Variants in CHRM3 observed in about 807,000 individuals in gnomAD.
CHRM3 encodes the protein muscarinic acetylcholine receptor M3.
In CHRM3, 11 loss-of-function variants were observed where a neutral mutation model predicts 41.8. That is an observed-to-expected ratio of 0.26 (90% confidence interval 0.17 to 0.44). The LOEUF (loss-of-function observed/expected upper bound fraction) is 0.44, where lower values mean the gene tolerates loss of function less well. CHRM3 is among the 20% of genes least tolerant of loss of function. The pLI is 1.00. For missense variants in CHRM3, 571 were observed against 745.4 expected, an observed-to-expected ratio of 0.77 and a Z score of 2.72; for synonymous variants, 297 against 301.4, an observed-to-expected ratio of 0.99 and a Z score of 0.15.
chr1:239,800,140 G>A lies in CHRM3; in HGVS notation c.-146-27112G>A, dbSNP rs188074546. 5.1e-4 allele frequency among the ~76,000 whole-genome samples: 77 copies of A among 152,200 alleles called. 1 individual carries two copies. Among genetic ancestry groups the A allele is most frequent in the African/African-American group, 1.7e-3 (70 of 41,530 alleles). On this transcript the variant is annotated intron_variant, in intron 5 of 6. Coordinates refer to ENST00000676153, the MANE Select transcript of CHRM3 (RefSeq NM_001375978.1). ...GGAAATAGGCAGGTGTGTGGGGAAG[G>A]GGTTATAAGAAAGGAGAATTATCTT...
At chr1:239,649,733 G>A (rs947172847) in intron 4 of CHRM3, among the ~76,000 whole-genome samples, 7 of 152,126 alleles carry the variant, frequency 4.6e-5, no homozygotes, top group African/African-American at 7.2e-5. Flanking sequence ...TCTTGAGTGC[G>A]AGAGAAGGAT....
chr1:239,604,587 T>C (rs1572885780), intron 3 of CHRM3, among the ~76,000 whole-genome samples: 1 of 152,346 alleles, frequency 6.6e-6, no homozygotes, highest in Admixed American at 6.5e-5. Flanking sequence ...ACTCAGTGTG[T>C]TGGGTGGCAA....
chr1:239,853,411 A>G (rs1001191673), intron 6 of CHRM3, among the ~76,000 whole-genome samples: 4 of 151,910 alleles, frequency 2.6e-5, no homozygotes, highest in African/African-American at 9.7e-5. Context: ...CTTTTTTTCA[A>G]TGCCAACAGT....
chr1:239,772,432 T>C (rs977125759), intron 5 of CHRM3, among the ~76,000 whole-genome samples: 2 of 152,236 alleles, frequency 1.3e-5, no homozygotes, highest in Admixed American at 1.3e-4. Flanking sequence ...ATTACAGGCA[T>C]GAGCCACCAT....
At chr1:239,869,561 G>C (rs944930970) in intron 6 of CHRM3, among the ~76,000 whole-genome samples, 2 of 152,032 alleles carry the variant, frequency 1.3e-5, no homozygotes, top group African/African-American at 4.8e-5. Flanking sequence ...AGTCCCCTGT[G>C]GCGTGGCCCA....
chr1:239,817,486 T>A (rs1216144550), intron 5 of CHRM3, among the ~76,000 whole-genome samples: 1 of 151,998 alleles, frequency 6.6e-6, no homozygotes, highest in African/African-American at 2.4e-5. Flanking sequence ...ACCACTGAGA[T>A]CACCATGGGC....
At chr1:239,603,290 A>G (rs560418109) in intron 3 of CHRM3, among the ~76,000 whole-genome samples, 1 of 152,300 alleles carries the variant, frequency 6.6e-6, no homozygotes, top group East Asian at 1.9e-4. Context: ...AGGTGAGAAC[A>G]TAGACAAGTT....
chr1:239,440,447 AC>A (rs1382654581), intron 1 of CHRM3, among the ~76,000 whole-genome samples: 1 of 152,104 alleles, frequency 6.6e-6, no homozygotes, highest in Non-Finnish European at 1.5e-5. Flanking sequence ...ACTTAGTAAG[AC>A]CCTGCTGCTA....
intron 5 of CHRM3, among the ~76,000 whole-genome samples, chr1:239,789,425 C>T (rs1042829903): frequency 6.6e-6 from 1 of 152,130 alleles, no homozygotes; most frequent in East Asian, 1.9e-4. Flanking sequence ...GCTATAAAGG[C>T]GTGCCTGAGA....
intron 6 of CHRM3, among the ~76,000 whole-genome samples, chr1:239,889,375 T>TC (rs1678351183): frequency 6.6e-6 from 1 of 152,166 alleles, no homozygotes; most frequent in South Asian, 2.1e-4. Flanking sequence ...TGCCATGTTG[T>TC]CCATCCCTCT....
chr1:239,544,435 G>A (rs998195064), intron 2 of CHRM3, among the ~76,000 whole-genome samples: 2 of 151,988 alleles, frequency 1.3e-5, no homozygotes, highest in Middle Eastern at 3.2e-3. Flanking sequence ...AATAGAATTC[G>A]ATCTCTAAAT....
At chr1:239,575,190 C>A (rs1288334317) in intron 3 of CHRM3, among the ~76,000 whole-genome samples, 1 of 152,108 alleles carries the variant, frequency 6.6e-6, no homozygotes, top group Admixed American at 6.6e-5. Flanking sequence ...AGGTAAGTTT[C>A]TCTTTTTGTA....
At chr1:239,787,563 C>T (rs1340795053) in intron 5 of CHRM3, among the ~76,000 whole-genome samples, 3 of 152,172 alleles carry the variant, frequency 2.0e-5, no homozygotes, top group African/African-American at 7.2e-5. Flanking sequence ...TCATGAGACT[C>T]GGCAATTCAA....
At chr1:239,481,124 T>A (rs1442211401) in intron 1 of CHRM3, among the ~76,000 whole-genome samples, 1 of 152,220 alleles carries the variant, frequency 6.6e-6, no homozygotes, top group Non-Finnish European at 1.5e-5. Context: ...GTAAGTGTGA[T>A]GACCTGGAAC....
chr1:239,449,462 T>C (rs1664402141), intron 1 of CHRM3, among the ~76,000 whole-genome samples: 1 of 152,144 alleles, frequency 6.6e-6, no homozygotes, highest in Admixed American at 6.6e-5. Flanking sequence ...AAGGTCATTG[T>C]ATGAGCTTGT....
At chr1:239,619,832 T>C (rs778636377) in intron 3 of CHRM3, among the ~76,000 whole-genome samples, 1 of 151,966 alleles carries the variant, frequency 6.6e-6, no homozygotes, top group Non-Finnish European at 1.5e-5. Context: ...ACGAGTGGGA[T>C]TCAGGGTGGG....
In CHRM3 at chr1:239,901,551, A is replaced by G. The variant is rs180949602; in HGVS notation, c.-19-5882A>G. On this transcript the variant is annotated intron_variant, in intron 6 of 6. Transcript: ENST00000676153. Reference sequence around the variant, plus strand: ...TGTATACAACCTTTAGTATACAGGCATGTACAATCTTTAGTATACTATTGC... The same window carrying G: ...TGTATACAACCTTTAGTATACAGGCGTGTACAATCTTTAGTATACTATTGC... Among the ~76,000 whole-genome samples, 414 of 152,310 alleles carry G rather than the reference A, an allele frequency of 2.7e-3. 1 individual carries two copies. Among genetic ancestry groups the G allele is most frequent in the African/African-American group, 9.3e-3 (385 of 41,578 alleles).
At chr1:239,715,444 A>G (rs1302110082) in intron 5 of CHRM3, among the ~76,000 whole-genome samples, 2 of 152,186 alleles carry the variant, frequency 1.3e-5, no homozygotes, top group African/African-American at 2.4e-5. Context: ...ACAGATGACC[A>G]TGGCGTAAAT....
At chr1:239,558,230 G>C (rs999427755) in intron 3 of CHRM3, among the ~76,000 whole-genome samples, 1 of 152,136 alleles carries the variant, frequency 6.6e-6, no homozygotes, top group African/African-American at 2.4e-5. Context: ...TTTCTCTAAT[G>C]ATCAGTGATG....
Sources: gnomAD v4.1 joint callset for allele counts (sites outside exome capture counted in the v4.1 genomes callset) on GRCh38, gnomAD v4.1.1 for gene constraint, MANE v1.5 for transcripts, NCBI Gene and HGNC (gene_info 2026-07-23, HGNC 2026-07-21) for gene names.